The following STK39 variants were observed in gnomAD, a reference collection of about 807,000 sequenced individuals.
STK39 encodes serine/threonine kinase 39.
STK39 carries 20 observed loss-of-function variants against 77.8 expected under a neutral mutation model. The observed-to-expected ratio is 0.26, with a 90% CI of 0.18 to 0.37. The LOEUF is 0.37. STK39 is among the 10% of genes least tolerant of loss of function. The pLI is 1.00. For synonymous variants in STK39, 246 were observed against 234.1 expected, an observed-to-expected ratio of 1.05 and a Z score of -0.47; for missense variants, 479 against 656.5, an observed-to-expected ratio of 0.73 and a Z score of 2.95.
chr2:168,110,173 T>C (rs905948355), intron 10 of STK39, among the ~76,000 whole-genome samples: 1 of 152,230 alleles, frequency 6.6e-6, no homozygotes, highest in Non-Finnish European at 1.5e-5. Context: ...ATTAAGTGTC[T>C]AATCTGTTAG....
chr2:168,075,079 G>A, intron 11 of STK39, 30 bp downstream of exon 11: 3 of 1,614,084 alleles, frequency 1.9e-6, no homozygotes, highest in Non-Finnish European at 2.5e-6. Flanking sequence ...AATTTACACA[G>A]ATTAGCTCAT....
intron 1 of STK39, among the ~76,000 whole-genome samples, chr2:168,207,242 C>T (rs1175350100): frequency 6.6e-6 from 1 of 152,148 alleles, no homozygotes; most frequent in Non-Finnish European, 1.5e-5. Flanking sequence ...CTTTAATTCT[C>T]CTTTTTTGTT....
chr2:168,100,327 A>AG (rs1311253857), intron 10 of STK39, among the ~76,000 whole-genome samples: 2 of 152,194 alleles, frequency 1.3e-5, no homozygotes, highest in African/African-American at 4.8e-5. Context: ...GTGCAGATTT[A>AG]GACTGCAGGG....
At chr2:168,160,324 A>G (rs1688536278) in intron 5 of STK39, among the ~76,000 whole-genome samples, 1 of 152,250 alleles carries the variant, frequency 6.6e-6, no homozygotes, top group African/African-American at 2.4e-5. Flanking sequence ...ATAATTAATA[A>G]GTATTACCTT....
intron 1 of STK39, among the ~76,000 whole-genome samples, chr2:168,214,901 T>C (rs1456019413): frequency 6.6e-6 from 1 of 152,212 alleles, no homozygotes; most frequent in Non-Finnish European, 1.5e-5. Context: ...TGCCCCTTTT[T>C]GGTAGCAACT....
At chr2:168,177,525 T>C (rs560291241) in intron 2 of STK39, among the ~76,000 whole-genome samples, 3 of 152,176 alleles carry the variant, frequency 2.0e-5, no homozygotes, top group South Asian at 2.1e-4. Flanking sequence ...CTGAATAAAG[T>C]AGAGTAACCT....
At chr2:168,106,023 C>T (rs1276051806) in intron 10 of STK39, among the ~76,000 whole-genome samples, 4 of 152,176 alleles carry the variant, frequency 2.6e-5, no homozygotes, top group South Asian at 2.1e-4. Context: ...AGTGCAGTGG[C>T]GCAATCTCAG....
At chr2:167,986,215 G>A (rs1263272643) in intron 16 of STK39, among the ~76,000 whole-genome samples, 1 of 152,092 alleles carries the variant, frequency 6.6e-6, no homozygotes, top group African/African-American at 2.4e-5. Flanking sequence ...TTATCAAAAA[G>A]TTTTTTTGCT....
intron 10 of STK39, among the ~76,000 whole-genome samples, chr2:168,100,129 C>T (rs559206583): frequency 2.0e-5 from 3 of 152,264 alleles, no homozygotes; most frequent in South Asian, 4.1e-4. Flanking sequence ...TTTATCATGG[C>T]TAATTACAAG....
rs1687948760 is a variant in STK39, at chr2:168,140,370, C to T, written c.759G>A (p.Lys253=). 1 of 1,613,884 alleles carries T rather than the reference C, an allele frequency of 6.2e-7. No individual in the cohort carries two copies. Among genetic ancestry groups the T allele is most frequent in the African/African-American group, 1.3e-5 (1 of 74,914 alleles). The part of the protein sequence containing the change: ...VMEQVRGYDF[K]ADMWSFGITA... ...TTATTCCAAAACTCCACATGTCAGC[C>T]TTGAAGTCATAGCCTCTCACCTAAG... Residue 253 remains lysine (K), a synonymous_variant, in exon 7 of 18, where the codon AAG becomes AAA. Transcript: ENST00000355999.
chr2:168,175,874 T>C (rs1029166138), intron 2 of STK39, among the ~76,000 whole-genome samples: 4 of 152,100 alleles, frequency 2.6e-5, no homozygotes, highest in Admixed American at 6.6e-5. Context: ...TATATTAAAA[T>C]AATTACAAAA....
chr2:168,161,107 A>G (rs1290553939), intron 5 of STK39, among the ~76,000 whole-genome samples: 4 of 152,226 alleles, frequency 2.6e-5, no homozygotes, highest in Non-Finnish European at 5.9e-5. Context: ...ACACTCCCCC[A>G]AGAAACCATG....
At chr2:168,157,023 T>C (rs984605517) in intron 5 of STK39, among the ~76,000 whole-genome samples, 1 of 152,186 alleles carries the variant, frequency 6.6e-6, no homozygotes, top group Non-Finnish European at 1.5e-5. Context: ...CTAGCAGCTA[T>C]GGGTGTAAAA....
chr2:168,085,151 A>T lies in STK39; in HGVS notation c.1090-9920T>A, dbSNP rs573949090. Among the ~76,000 whole-genome samples the T allele has an allele frequency of 2.2e-4, 34 of 152,350 alleles. No individual in the cohort carries two copies. In the South Asian group the frequency reaches 5.2e-3, roughly 23 times the overall value. ...ACAAAAAGAAACAGAATACAAAATAAAAAGAGGCCTTCAGATCCTAAACTT... is the reference window on the plus strand; with the variant it reads ...ACAAAAAGAAACAGAATACAAAATATAAAGAGGCCTTCAGATCCTAAACTT... On this transcript the variant is annotated intron_variant, in intron 10 of 17. Coordinates refer to ENST00000355999, the MANE Select transcript of STK39 (RefSeq NM_013233.3).
At chr2:167,997,878 G>T (rs560456158) in intron 16 of STK39, among the ~76,000 whole-genome samples, 1 of 151,900 alleles carries the variant, frequency 6.6e-6, no homozygotes, top group Non-Finnish European at 1.5e-5. Flanking sequence ...AAATTTCTAC[G>T]CCATGAGACA....
intron 1 of STK39, among the ~76,000 whole-genome samples, chr2:168,246,163 A>G (rs1690894394): frequency 1.3e-5 from 2 of 152,168 alleles, no homozygotes; most frequent in African/African-American, 4.8e-5. Context: ...ATATACCAAG[A>G]TTCTGGAAAG....
intron 17 of STK39, among the ~76,000 whole-genome samples, chr2:167,957,919 A>G (rs1486810068): frequency 6.6e-6 from 1 of 152,198 alleles, no homozygotes; most frequent in Non-Finnish European, 1.5e-5. Context: ...CTGGGTCCTC[A>G]GTGCCTCCCA....
At chr2:167,971,930 G>C (rs781127594) in intron 16 of STK39, among the ~76,000 whole-genome samples, 1 of 152,192 alleles carries the variant, frequency 6.6e-6, no homozygotes, top group East Asian at 1.9e-4. Context: ...TGATGTCTGC[G>C]TTTTGTCTCA....
intron 1 of STK39, among the ~76,000 whole-genome samples, chr2:168,222,060 G>A (rs1019111812): frequency 6.6e-6 from 1 of 152,146 alleles, no homozygotes; most frequent in African/African-American, 2.4e-5. Context: ...TGTTTATAGA[G>A]TAGTGTATTT....
Sources: gnomAD v4.1 joint callset for allele counts (sites outside exome capture counted in the v4.1 genomes callset) on GRCh38, gnomAD v4.1.1 for gene constraint, MANE v1.5 for transcripts, NCBI Gene and HGNC (gene_info 2026-07-23, HGNC 2026-07-21) for gene names.